ADGRL2: variants seen among roughly 807,000 people sequenced by gnomAD.
The protein encoded by ADGRL2 is adhesion G protein-coupled receptor L2.
ADGRL2 carries 44 observed loss-of-function variants against 157.4 expected under a neutral mutation model. The observed-to-expected ratio is 0.28, with a 90% confidence interval of 0.22 to 0.36. The LOEUF (loss-of-function observed/expected upper bound fraction) is 0.36, where lower values mean the gene tolerates loss of function less well. Ranked by LOEUF, ADGRL2 falls within the 10% of genes least tolerant of loss-of-function variation. The probability of loss-of-function intolerance (pLI) is 1.00; values close to 1 mark genes in which losing one functional copy is unlikely to be tolerated. For missense variants in ADGRL2, 1,510 were observed against 1,768.9 expected, an observed-to-expected ratio of 0.85 and a Z score of 2.63; for synonymous variants, 585 against 624.7, an observed-to-expected ratio of 0.94 and a Z score of 0.95.
chr1:81,468,987 C>T (rs545706202), intron 2 of ADGRL2, among the ~76,000 whole-genome samples: 11 of 152,200 alleles, frequency 7.2e-5, no homozygotes, highest in Admixed American at 3.3e-4. Context: ...ATTAATAAAC[C>T]GCACTTCCCA....
At chr1:81,517,073 A>T (rs1284023483) in intron 2 of ADGRL2, among the ~76,000 whole-genome samples, 1 of 152,210 alleles carries the variant, frequency 6.6e-6, no homozygotes, top group Non-Finnish European at 1.5e-5. Context: ...ATATTCTGCT[A>T]CAAGTAACAA....
intron 2 of ADGRL2, among the ~76,000 whole-genome samples, chr1:81,903,305 AC>A (rs2094522301): frequency 6.6e-6 from 1 of 152,126 alleles, no homozygotes; most frequent in South Asian, 2.1e-4. Context: ...AGTTTTGTGA[AC>A]CTTTACAATA....
At chr1:81,512,972 A>C (rs1030360515) in intron 2 of ADGRL2, among the ~76,000 whole-genome samples, 4 of 152,062 alleles carry the variant, frequency 2.6e-5, no homozygotes, top group African/African-American at 9.7e-5. Context: ...TTTCAAGCCA[A>C]TGTTTGGTAT....
chr1:81,494,330 G>T (rs1469964632), intron 2 of ADGRL2, among the ~76,000 whole-genome samples: 1 of 152,086 alleles, frequency 6.6e-6, no homozygotes, highest in Non-Finnish European at 1.5e-5. Flanking sequence ...ATTTTAAAAA[G>T]TATAATCTGG....
At chr1:81,614,847 TAAA>T (rs112809079) in intron 3 of ADGRL2, among the ~76,000 whole-genome samples, 3 of 145,392 alleles carry the variant, frequency 2.1e-5, no homozygotes, top group Non-Finnish European at 1.5e-5. Flanking sequence ...CTCTACAAAT[TAAA>T]AAAAAAAAAA....
chr1:81,801,078 C>G lies in ADGRL2; in HGVS notation c.-101+10C>G, dbSNP rs957071194. ...CGAAGGGCTCGAGCCCGTAAGTATCCCCTTTCGCTCCTCCTCCCCGCCGCT... is the reference window on the plus strand; with the variant it reads ...CGAAGGGCTCGAGCCCGTAAGTATCGCCTTTCGCTCCTCCTCCCCGCCGCT... On this transcript the variant is annotated intron_variant, in intron 1 of 23. Transcript: ENST00000686636. Among the ~76,000 whole-genome samples the G allele has an allele frequency of 1.3e-5, 2 of 151,968 alleles. No homozygotes were observed. Among genetic ancestry groups the G allele is most frequent in the Non-Finnish European group, 2.9e-5 (2 of 67,976 alleles).
chr1:81,821,208 T>C (rs1357999830), intron 1 of ADGRL2, among the ~76,000 whole-genome samples: 1 of 152,158 alleles, frequency 6.6e-6, no homozygotes, highest in African/African-American at 2.4e-5. Flanking sequence ...ATAAAATACG[T>C]AAAGAAAGTT....
chr1:81,931,723 T>G (rs1390234354), intron 3 of ADGRL2, among the ~76,000 whole-genome samples: 1 of 152,062 alleles, frequency 6.6e-6, no homozygotes, highest in Non-Finnish European at 1.5e-5. Flanking sequence ...GGCCTGTGCT[T>G]CAGTGGTGCC....
At chr1:81,705,435 AC>A (rs772063549) in intron 1 of ADGRL2, among the ~76,000 whole-genome samples, 28 of 152,112 alleles carry the variant, frequency 1.8e-4, no homozygotes, top group Non-Finnish European at 2.8e-4. Flanking sequence ...TTTAGTGGAG[AC>A]GGGGTTTCAC....
chr1:81,985,825 G>C (rs1326172005), intron 21 of ADGRL2, among the ~76,000 whole-genome samples: 1 of 151,830 alleles, frequency 6.6e-6, no homozygotes, highest in Non-Finnish European at 1.5e-5. Context: ...AGGAAATGAA[G>C]TAATTTAGAA....
intron 2 of ADGRL2, among the ~76,000 whole-genome samples, chr1:81,842,738 T>TA (rs1311126336): frequency 6.6e-6 from 1 of 152,154 alleles, no homozygotes; most frequent in Non-Finnish European, 1.5e-5. Context: ...TTTTTCCTCT[T>TA]AGGGATAAAT....
At position 81,990,736 on chromosome 1, in the gene ADGRL2, A is replaced by G; in HGVS notation, c.4001A>G (p.Glu1334Gly). ...PGLELHHKEL[E>G]APLIPQRTHS... ...CTGGAGCTCCATCACAAAGAACTCGAGGCACCACTTATTCCTCAGCGGACT... is the reference window on the plus strand; with the variant it reads ...CTGGAGCTCCATCACAAAGAACTCGGGGCACCACTTATTCCTCAGCGGACT... The change falls in exon 24 of 24, where the codon GAG (glutamate) becomes GGG (glycine). Residue 1334 changes from glutamate to glycine, a missense_variant. Coordinates refer to ENST00000686636, the MANE Select transcript of ADGRL2 (RefSeq NM_001366006.2). The G allele has an allele frequency of 6.2e-7, 1 of 1,614,112 alleles. No homozygotes were observed. Among genetic ancestry groups the G allele is most frequent in the Non-Finnish European group, 8.5e-7 (1 of 1,180,004 alleles).
At chr1:81,645,927 T>C (rs964684088) in intron 3 of ADGRL2, among the ~76,000 whole-genome samples, 2 of 152,274 alleles carry the variant, frequency 1.3e-5, no homozygotes, top group South Asian at 2.1e-4. Flanking sequence ...CGAATTACAG[T>C]ACCAATTCAC....
intron 1 of ADGRL2, among the ~76,000 whole-genome samples, chr1:81,362,631 A>T (rs2100923264): frequency 6.6e-6 from 1 of 152,100 alleles, no homozygotes; most frequent in Non-Finnish European, 1.5e-5. Flanking sequence ...TGAGGACTAA[A>T]AATTATCTGT....
At chr1:81,312,992 G>A (rs1376836279) in intron 1 of ADGRL2, among the ~76,000 whole-genome samples, 1 of 152,022 alleles carries the variant, frequency 6.6e-6, no homozygotes, top group Non-Finnish European at 1.5e-5. Context: ...TTCCTTAAAT[G>A]GAAAAAATAC....
At chr1:81,733,538 A>T (rs1229960450) in intron 1 of ADGRL2, among the ~76,000 whole-genome samples, 1 of 152,144 alleles carries the variant, frequency 6.6e-6, no homozygotes, top group African/African-American at 2.4e-5. Flanking sequence ...GTCAGGTTAG[A>T]TTAGGGCCCA....
At chr1:81,928,591 A>G (rs1164026864) in intron 3 of ADGRL2, among the ~76,000 whole-genome samples, 2 of 152,092 alleles carry the variant, frequency 1.3e-5, no homozygotes, top group Non-Finnish European at 2.9e-5. Flanking sequence ...AACAGAATGT[A>G]ATTTACTTAT....
intron 2 of ADGRL2, among the ~76,000 whole-genome samples, chr1:81,572,401 A>G (rs1160693390): frequency 6.6e-6 from 1 of 152,250 alleles, no homozygotes; most frequent in Non-Finnish European, 1.5e-5. Flanking sequence ...ATACAATGGA[A>G]AACAAAACAT....
chr1:81,593,150 A>T (rs2081166501), intron 3 of ADGRL2, among the ~76,000 whole-genome samples: 1 of 152,206 alleles, frequency 6.6e-6, no homozygotes, highest in Admixed American at 6.5e-5. Context: ...CCATTTGTCA[A>T]AACCAGAACT....
Sources: gnomAD v4.1 joint callset for allele counts (sites outside exome capture counted in the v4.1 genomes callset) on GRCh38, gnomAD v4.1.1 for gene constraint, MANE v1.5 for transcripts, NCBI Gene and HGNC (gene_info 2026-07-23, HGNC 2026-07-21) for gene names.